Variants in CDH18 observed in about 807,000 individuals in gnomAD.
The protein encoded by CDH18 is cadherin-18.
CDH18 carries 31 observed loss-of-function variants against 67.9 expected under a neutral mutation model. The ratio of observed to expected loss-of-function variants is 0.46; its 90% CI spans 0.34 to 0.62. The LOEUF (loss-of-function observed/expected upper bound fraction) is 0.62, where lower values mean the gene tolerates loss of function less well. CDH18 is among the 20% of genes least tolerant of loss of function. The pLI, the probability that CDH18 is intolerant of heterozygous loss-of-function variation, is 0.01. For synonymous variants in CDH18, 362 were observed against 347.2 expected, an observed-to-expected ratio of 1.04 and a Z score of -0.48; for missense variants, 890 against 975.5, an observed-to-expected ratio of 0.91 and a Z score of 1.17.
intron 2 of CDH18, among the ~76,000 whole-genome samples, chr5:20,058,325 A>G (rs1231910788): frequency 6.6e-6 from 1 of 152,166 alleles, no homozygotes; most frequent in Non-Finnish European, 1.5e-5. Context: ...CTTTACAGCT[A>G]TTATACCCGA....
chr5:19,645,160 C>G (rs1754558915), intron 5 of CDH18, among the ~76,000 whole-genome samples: 1 of 152,124 alleles, frequency 6.6e-6, no homozygotes, highest in African/African-American at 2.4e-5. Flanking sequence ...GCTTTCAAAG[C>G]TGTAACTAAT....
Position 20,202,184 on chromosome 5 carries a change from A to C in CDH18, c.-518+53260T>G, listed in dbSNP as rs913362791. The stretch of plus-strand genomic sequence containing the variant: ...CCTGGAGTACCACAGTGAATTTGTA[A>C]AGTGGAGCATTCCAGGACATATTAT... On this transcript the variant is annotated intron_variant, in intron 2 of 14. Coordinates refer to the CDH18 transcript ENST00000507958. Among the ~76,000 whole-genome samples, 7 of 152,184 alleles carry C rather than the reference A, an allele frequency of 4.6e-5. No homozygotes were observed. In the East Asian group the frequency reaches 1.3e-3, roughly 29 times the overall value.
intron 3 of CDH18, among the ~76,000 whole-genome samples, chr5:19,817,450 A>C (rs940228207): frequency 6.6e-6 from 1 of 152,048 alleles, no homozygotes; most frequent in African/African-American, 2.4e-5. Context: ...GTAATAGCAA[A>C]AAAGTAACAA....
chr5:20,337,690 G>A (rs946790464), intron 1 of CDH18, among the ~76,000 whole-genome samples: 1 of 152,076 alleles, frequency 6.6e-6, no homozygotes, highest in Non-Finnish European at 1.5e-5. Flanking sequence ...ATATTTTCCT[G>A]TTTTCTTCTG....
chr5:20,351,840 G>C (rs1304302169), intron 1 of CDH18, among the ~76,000 whole-genome samples: 1 of 152,066 alleles, frequency 6.6e-6, no homozygotes, highest in Non-Finnish European at 1.5e-5. Flanking sequence ...TATTGCTTTT[G>C]CTACGGTATT....
intron 2 of CDH18, among the ~76,000 whole-genome samples, chr5:19,903,616 GCTTT>G (rs1169157642): frequency 4.6e-5 from 5 of 109,232 alleles, no homozygotes; most frequent in East Asian, 2.6e-4. Flanking sequence ...AAGCAAAGTG[GCTTT>G]TTTTTTTTTT....
At chr5:20,321,531 T>G (rs1345660170) in intron 1 of CDH18, among the ~76,000 whole-genome samples, 1 of 152,164 alleles carries the variant, frequency 6.6e-6, no homozygotes, top group Non-Finnish European at 1.5e-5. Context: ...ATTACTTTTT[T>G]TAAAAGCTTT....
At chr5:20,509,760 T>A (rs1176212823) in intron 1 of CDH18, among the ~76,000 whole-genome samples, 1 of 152,144 alleles carries the variant, frequency 6.6e-6, no homozygotes, top group Non-Finnish European at 1.5e-5. Flanking sequence ...CCATTGTGTA[T>A]ATATACCACA....
chr5:20,575,209 A>G (rs752754421), intron 1 of CDH18, among the ~76,000 whole-genome samples: 2 of 152,112 alleles, frequency 1.3e-5, no homozygotes, highest in African/African-American at 4.8e-5. Flanking sequence ...TACGTGGAGT[A>G]TCTGCTACAG....
At chr5:19,804,400 C>G (rs1203332096) in intron 3 of CDH18, among the ~76,000 whole-genome samples, 2 of 152,000 alleles carry the variant, frequency 1.3e-5, no homozygotes, top group African/African-American at 4.8e-5. Flanking sequence ...CTAGGTAATC[C>G]TTTCTATAAT....
intron 6 of CDH18, among the ~76,000 whole-genome samples, chr5:19,612,027 TGAA>T (rs1242743873): frequency 3.3e-5 from 5 of 150,486 alleles, no homozygotes; most frequent in African/African-American, 4.9e-5. Context: ...ATTCATAACA[TGAA>T]GAATTTTTTT....
intron 2 of CDH18, among the ~76,000 whole-genome samples, chr5:19,959,863 A>G (rs1211302303): frequency 6.6e-6 from 1 of 152,168 alleles, no homozygotes; most frequent in Non-Finnish European, 1.5e-5. Context: ...CTCCTAGGCT[A>G]CAAATCTGCA....
At chr5:20,012,859 C>T (rs549950215) in intron 2 of CDH18, among the ~76,000 whole-genome samples, 1 of 136,644 alleles carries the variant, frequency 7.3e-6, no homozygotes, top group African/African-American at 2.7e-5. Flanking sequence ...ATAACAAGAA[C>T]ACACGGACAC....
intron 1 of CDH18, among the ~76,000 whole-genome samples, chr5:20,390,359 T>C (rs1250330568): frequency 2.0e-5 from 3 of 152,034 alleles, no homozygotes; most frequent in Non-Finnish European, 2.9e-5. Flanking sequence ...AAAGGAGAGA[T>C]TTATGCAGCC....
chr5:19,986,759 T>G (rs1210087990), intron 1 of CDH18, among the ~76,000 whole-genome samples: 1 of 152,116 alleles, frequency 6.6e-6, no homozygotes, highest in East Asian at 1.9e-4. Context: ...CCTATCTTCT[T>G]CCTCCCACAT....
intron 2 of CDH18, among the ~76,000 whole-genome samples, chr5:19,939,364 T>C (rs906096036): frequency 3.3e-5 from 5 of 151,262 alleles, no homozygotes; most frequent in Non-Finnish European, 5.9e-5. Flanking sequence ...AAAAATTTCC[T>C]TTCTCAATGT....
At chr5:20,447,816 C>A (rs1307965715) in intron 1 of CDH18, among the ~76,000 whole-genome samples, 1 of 151,976 alleles carries the variant, frequency 6.6e-6, no homozygotes, top group Non-Finnish European at 1.5e-5. Context: ...CATGAGTTAT[C>A]CTGAGGTTAA....
chr5:19,717,714 TTC>T (rs1232874375), intron 5 of CDH18, among the ~76,000 whole-genome samples: 1 of 152,082 alleles, frequency 6.6e-6, no homozygotes, highest in Non-Finnish European at 1.5e-5. Context: ...CAAAATGACT[TTC>T]TCACTCAGTG....
rs367717995 is a variant in CDH18 at position 19,839,013 on chromosome 5, T to C, written c.-27A>G. ...GTAAGATAACTTTCCAGTTCACAGTTTTCCTTCCTTTCCTTGTCAGCTACG... is the reference window on the plus strand; with the variant it reads ...GTAAGATAACTTTCCAGTTCACAGTCTTCCTTCCTTTCCTTGTCAGCTACG... On this transcript the variant is annotated 5_prime_UTR_variant, in exon 3 of 13. Transcript: ENST00000382275. 4.5e-6 allele frequency: 7 copies of C among 1,556,468 alleles called. No homozygotes were observed. The African/African-American group carries it at 9.5e-5, about 21-fold the overall frequency.
Sources: allele counts gnomAD v4.1 joint callset (sites outside exome capture counted in the v4.1 genomes callset), GRCh38; gene constraint gnomAD v4.1.1; transcripts MANE v1.5; gene names NCBI Gene and HGNC (gene_info 2026-07-23, HGNC 2026-07-21).